MSH3: variants seen among roughly 807,000 people sequenced by gnomAD.
The protein encoded by MSH3 is DNA mismatch repair protein Msh3.
A neutral mutation model predicts 123.3 loss-of-function variants in MSH3; 106 were observed. The observed-to-expected ratio is 0.86, with a 90% CI of 0.73 to 1.01. The LOEUF (loss-of-function observed/expected upper bound fraction) is 1.01, where lower values mean the gene tolerates loss of function less well. Among genes scored for constraint, MSH3 ranks in the 50% least tolerant of loss-of-function variants. MSH3 has a pLI of 0.00. For missense variants in MSH3, 1,459 were observed against 1,347.6 expected (o/e 1.08, Z -1.29); for synonymous variants, 515 against 481.4 (o/e 1.07, Z -0.91).
At chr5:80,672,443 T>C (rs1580552023) in intron 5 of MSH3, 83 bp downstream of exon 5, 1 of 988,242 alleles carries the variant, frequency 1.0e-6, no homozygotes, top group East Asian at 2.4e-5. Context: ...AGGTGGTAGG[T>C]AGGCTTCAAT....
intron 16 of MSH3, among the ~76,000 whole-genome samples, chr5:80,775,971 C>T (rs1192837965): frequency 6.6e-6 from 1 of 151,678 alleles, no homozygotes; most frequent in African/African-American, 2.4e-5. Flanking sequence ...CTCACTGCAA[C>T]CTCCGCCTCC....
At chr5:80,856,719 A>G (rs1580093517) in intron 21 of MSH3, among the ~76,000 whole-genome samples, 1 of 152,260 alleles carries the variant, frequency 6.6e-6, no homozygotes, top group Middle Eastern at 3.4e-3. Context: ...AAAAAAAGAA[A>G]CTACATAGGA....
intron 22 of MSH3, among the ~76,000 whole-genome samples, chr5:80,870,065 T>A (rs188252195): frequency 7.4e-5 from 11 of 148,856 alleles, no homozygotes; most frequent in African/African-American, 2.5e-4. Context: ...TCCCAGCTAC[T>A]CAGGAGGCTG....
At chr5:80,731,332 C>T (rs561423067) in intron 10 of MSH3, among the ~76,000 whole-genome samples, 1 of 152,192 alleles carries the variant, frequency 6.6e-6, no homozygotes, top group Admixed American at 6.5e-5. Context: ...TGAAGCTGAA[C>T]TTTTTGCATC....
At chr5:80,681,815 A>G (rs1749974208) in intron 8 of MSH3, among the ~76,000 whole-genome samples, 1 of 152,144 alleles carries the variant, frequency 6.6e-6, no homozygotes, top group Admixed American at 6.5e-5. Flanking sequence ...TTGTTTGTCA[A>G]GCAGCATTCA....
chr5:80,863,743 A>T (rs1159893303), intron 21 of MSH3, among the ~76,000 whole-genome samples: 1 of 152,182 alleles, frequency 6.6e-6, no homozygotes. Flanking sequence ...GCTACAGGTA[A>T]ATTTAAACAT....
Position 80,678,912 on chromosome 5 carries a change from T to C in MSH3, c.1174-15T>C. ...TACATTTTTTCTGTAACATTATATT[T>C]GTATTTGTTTTTAGGGAGTGCAGCC... On this transcript the variant is annotated splice_polypyrimidine_tract_variant and intron_variant, in intron 7 of 23. Transcript: ENST00000265081. 6.2e-7 allele frequency: 1 copy of C among 1,614,006 alleles called. No homozygotes were observed. Among genetic ancestry groups the C allele is most frequent in the Non-Finnish European group, 8.5e-7 (1 of 1,179,886 alleles).
chr5:80,664,458 C>G (rs1749517730), intron 2 of MSH3, among the ~76,000 whole-genome samples: 1 of 149,892 alleles, frequency 6.7e-6, no homozygotes. Flanking sequence ...CCGTGGATCT[C>G]AGCATACATT....
intron 10 of MSH3, among the ~76,000 whole-genome samples, chr5:80,739,122 G>A (rs938144020): frequency 1.4e-4 from 22 of 152,308 alleles, no homozygotes; most frequent in Admixed American, 5.2e-4. Context: ...TAGAGTCGAC[G>A]TCTGATTAGG....
intron 12 of MSH3, among the ~76,000 whole-genome samples, chr5:80,747,188 CTG>C (rs1014708069): frequency 6.6e-6 from 1 of 152,196 alleles, no homozygotes; most frequent in African/African-American, 2.4e-5. Context: ...ACAATTCTTA[CTG>C]TGTTTTTGCT....
intron 15 of MSH3, among the ~76,000 whole-genome samples, chr5:80,774,172 C>A (rs1580040484): frequency 6.6e-6 from 1 of 152,078 alleles, no homozygotes; most frequent in Admixed American, 6.6e-5. Context: ...TGCTTCCTGG[C>A]TGATTTCAGA....
intron 20 of MSH3, among the ~76,000 whole-genome samples, chr5:80,837,579 AAAAAT>A (rs948138499): frequency 1.3e-5 from 2 of 151,972 alleles, no homozygotes; most frequent in African/African-American, 4.8e-5. Flanking sequence ...CCTTGTCTAA[AAAAAT>A]AAAATAAAAA....
At chr5:80,847,572 G>A (rs1392014061) in intron 20 of MSH3, among the ~76,000 whole-genome samples, 1 of 152,076 alleles carries the variant, frequency 6.6e-6, no homozygotes, top group African/African-American at 2.4e-5. Context: ...GTAAGAGTCT[G>A]ATTCTCATCC....
intron 21 of MSH3, among the ~76,000 whole-genome samples, chr5:80,862,163 A>C (rs12521539): frequency 0.16 from 24,111 of 152,038 alleles, 2,018 homozygotes; most frequent in East Asian, 0.24. Context: ...CTTCCGGCTA[A>C]AAGTGCCTAT....
At chr5:80,849,138 A>G (rs1745781596) in intron 20 of MSH3, among the ~76,000 whole-genome samples, 2 of 152,150 alleles carry the variant, frequency 1.3e-5, no homozygotes, top group African/African-American at 2.4e-5. Flanking sequence ...CCAAAATGGT[A>G]TCTTTTGACT....
chr5:80,849,237 C>T (rs1004987462), intron 20 of MSH3, among the ~76,000 whole-genome samples: 4 of 152,146 alleles, frequency 2.6e-5, no homozygotes, highest in African/African-American at 9.7e-5. Flanking sequence ...AGGGTACAGC[C>T]TCCCTCCCAG....
chr5:80,718,773 C>G (rs192310486), intron 8 of MSH3, among the ~76,000 whole-genome samples: 127 of 151,844 alleles, frequency 8.4e-4, no homozygotes, highest in African/African-American at 3.0e-3. Flanking sequence ...ATGAACAAGT[C>G]TTGCTTTTTA....
At chr5:80,752,931 G>T (rs1479547542) in intron 12 of MSH3, among the ~76,000 whole-genome samples, 2 of 152,116 alleles carry the variant, frequency 1.3e-5, no homozygotes, top group Admixed American at 6.5e-5. Flanking sequence ...ACAATATCCT[G>T]TTTAGGGGTT....
Position 80,667,521 on chromosome 5 carries a change from C to G in MSH3, c.579+2158C>G, listed in dbSNP as rs554347282. 9.9e-5 allele frequency among the ~76,000 whole-genome samples: 15 copies of G among 152,272 alleles called. No homozygotes were observed. In the East Asian group the frequency reaches 2.7e-3, roughly 27 times the overall value. ...ACTCGGCCTGGCAGGCTGTGCTTGG[C>G]TTTTGCTTTTGGCCTGAATCTCGCA... On this transcript the variant is annotated intron_variant, in intron 3 of 23. Transcript: ENST00000265081.
Sources: gnomAD v4.1 joint callset for allele counts (sites outside exome capture counted in the v4.1 genomes callset) on GRCh38, gnomAD v4.1.1 for gene constraint, MANE v1.5 for transcripts, NCBI Gene and HGNC (gene_info 2026-07-23, HGNC 2026-07-21) for gene names.